Variants in TPM4 observed in about 807,000 individuals in gnomAD.
TPM4 encodes tropomyosin alpha-4 chain.
In TPM4, 17 loss-of-function variants were observed where a neutral mutation model predicts 35.8. The observed-to-expected ratio is 0.47, with a 90% CI of 0.32 to 0.71. The LOEUF (loss-of-function observed/expected upper bound fraction) is 0.71, where lower values mean the gene tolerates loss of function less well. TPM4 is among the 30% of genes least tolerant of loss of function. TPM4 has a pLI of 0.03. For missense variants in TPM4, 240 were observed against 320.9 expected (o/e 0.75, Z 1.93); for synonymous variants, 120 against 122.9 (o/e 0.98, Z 0.15).
chr19:16,076,006 C>A (rs1047158148), upstream of TPM4: 3 of 1,482,768 alleles, frequency 2.0e-6, no homozygotes, highest in Non-Finnish European at 1.8e-6. Flanking sequence ...GGACGTGACC[C>A]CCCCCCCAGG....
intron 4 of TPM4, 99 bp from the exon 5 acceptor site, chr19:16,088,946 G>C: frequency 6.3e-7 from 1 of 1,585,260 alleles, no homozygotes; most frequent in Non-Finnish European, 8.6e-7. Flanking sequence ...CGGGGGAGCT[G>C]TGTAGGTTTC....
intron 5 of TPM4, among the ~76,000 whole-genome samples, chr19:16,089,945 G>A (rs745418465): frequency 2.2e-4 from 33 of 150,746 alleles, no homozygotes; most frequent in Non-Finnish European, 3.8e-4. Flanking sequence ...TGCAGCCTTC[G>A]ACTCCCAAGT....
intron 5 of TPM4, 122 bp downstream of exon 5, chr19:16,089,242 C>G (rs972326459): frequency 5.9e-5 from 77 of 1,301,360 alleles, no homozygotes; most frequent in Non-Finnish European, 8.6e-6. Flanking sequence ...AGCGTTGGTG[C>G]CTGGCAGCCA....
chr19:16,090,543 C>T (rs919456364), intron 5 of TPM4, among the ~76,000 whole-genome samples: 5 of 152,018 alleles, frequency 3.3e-5, no homozygotes, highest in African/African-American at 1.2e-4. Flanking sequence ...GGGAGGCCGC[C>T]GAGCCTGGCC....
Position 16,094,702 on chromosome 19 carries a change from G to C in TPM4, c.664+949G>C, listed in dbSNP as rs368362514. ...CAGAAATACAGAAAGTGTAGGGACT[G>C]CAATAAAGACTAGTCTGCAAGTCTG... On this transcript the variant is annotated intron_variant, in intron 7 of 7. Transcript: ENST00000643579. Among the ~76,000 whole-genome samples, 11 of 151,998 alleles carry C rather than the reference G, an allele frequency of 7.2e-5. No homozygotes were observed. The South Asian group carries it at 1.2e-3, about 17-fold the overall frequency.
chr19:16,076,665 G>C lies in TPM4; in HGVS notation c.100G>C (p.Glu34Gln). The C allele has an allele frequency of 7.1e-7, 1 of 1,402,606 alleles. No homozygotes were observed. The highest frequency in any genetic ancestry group is 9.2e-7 in the Non-Finnish European group (1 of 1,082,402). 86.9% of individuals were successfully genotyped at this position (1,402,606 alleles called of 1,614,324 possible). ...AEDRAQGLQR[E>Q]LDGERERREK... ...AGACCGCGCGCAGGGCCTGCAGCGGGAGCTGGACGGCGAGCGCGAGCGGCG... is the reference window on the plus strand; with the variant it reads ...AGACCGCGCGCAGGGCCTGCAGCGGCAGCTGGACGGCGAGCGCGAGCGGCG... Residue 34 changes from glutamate to glutamine, a missense_variant, in exon 1 of 8, where the codon GAG becomes CAG. Transcript: ENST00000643579.
chr19:16,101,260 C>T lies in TPM4; in HGVS notation c.665-4C>T, dbSNP rs370589202. 6.3e-6 allele frequency: 10 copies of T among 1,597,574 alleles called. No homozygotes were observed. Among genetic ancestry groups the T allele is most frequent in the East Asian group, 4.5e-5 (2 of 44,546 alleles). On this transcript the variant is annotated splice_region_variant and splice_polypyrimidine_tract_variant and intron_variant, in intron 7 of 7. Coordinates refer to ENST00000643579, the MANE Select transcript of TPM4 (RefSeq NM_003290.3). The stretch of plus-strand genomic sequence containing the variant: ...TCTTTCCCCATACTCTTAATCCTCA[C>T]CAGAGAAACTTGCCCAGGCCAAAGA...
intron 1 of TPM4, among the ~76,000 whole-genome samples, chr19:16,079,167 G>A (rs2090450467): frequency 6.6e-6 from 1 of 152,172 alleles, no homozygotes; most frequent in Admixed American, 6.6e-5. Context: ...TGCCAAAAGC[G>A]TTGTTTGCCA....
rs1349881145 is a variant in TPM4, at chr19:16,067,979, G to A, written c.114+241G>A. 1 of 499,922 alleles carries A rather than the reference G, an allele frequency of 2.0e-6. No individual in the cohort carries two copies. Among genetic ancestry groups the A allele is most frequent in the East Asian group, 3.6e-5 (1 of 27,680 alleles). 31.0% of individuals were successfully genotyped at this position (499,922 alleles called of 1,614,324 possible). A position where few individuals can be genotyped will look rare whatever the true frequency, so the allele number is the denominator to read the frequency against. On this transcript the variant is annotated intron_variant, in intron 2 of 2. Coordinates refer to the TPM4 transcript ENST00000589897. The surrounding 1 kb of genome is among the most constrained non-coding windows in gnomAD (Gnocchi z 4.1). Reference sequence around the variant, plus strand: ...GCGAACAAAGTGAGTTTGACAGAGAGAGAGTTGGCGGGGGAGGGAGAGTGA... The same window carrying A: ...GCGAACAAAGTGAGTTTGACAGAGAAAGAGTTGGCGGGGGAGGGAGAGTGA...
upstream of TPM4, among the ~76,000 whole-genome samples, chr19:16,072,243 G>A (rs1199039480): frequency 6.6e-6 from 1 of 152,194 alleles, no homozygotes; most frequent in Middle Eastern, 3.2e-3. Context: ...TCCCAGAACT[G>A]ACCCTCAAGA....
intron 7 of TPM4, 129 bp downstream of exon 7, chr19:16,093,882 A>T: frequency 1.2e-6 from 1 of 829,062 alleles, no homozygotes; most frequent in Non-Finnish European, 1.9e-6. Context: ...TAAAGCGCAT[A>T]GTGATGTCAT....
At chr19:16,085,674 C>G (rs964152180) in intron 2 of TPM4, among the ~76,000 whole-genome samples, 2 of 152,212 alleles carry the variant, frequency 1.3e-5, no homozygotes, top group African/African-American at 4.8e-5. Context: ...TACTTACCCT[C>G]TCTCTATGCC....
chr19:16,088,280 C>A, intron 4 of TPM4, 183 bp downstream of exon 4: 2 of 1,403,284 alleles, frequency 1.4e-6, no homozygotes, highest in Non-Finnish European at 1.9e-6. Flanking sequence ...GTTCTTACTG[C>A]CATGGGAAGC....
At chr19:16,073,185 C>T (rs2090371802), upstream of TPM4, among the ~76,000 whole-genome samples, 1 of 151,792 alleles carries the variant, frequency 6.6e-6, no homozygotes, top group Non-Finnish European at 1.5e-5. Context: ...CTCAAAAAAA[C>T]AAAAACAAAA....
In TPM4 at chr19:16,076,683, G is replaced by C; in HGVS notation, c.118G>C (p.Glu40Gln). 7.3e-7 allele frequency: 1 copy of C among 1,366,744 alleles called. No individual in the cohort carries two copies. The allele number at this position is 1,366,744 out of a possible 1,614,324, so 84.7% of individuals were successfully genotyped here. The part of the protein sequence containing the change: ...GLQRELDGER[E>Q]RREKAEGDVA... ...GCAGCGGGAGCTGGACGGCGAGCGC[G>C]AGCGGCGCGAGAAAGTGAGCGCCCC... The change falls in exon 1 of 8, where the codon GAG (glutamate) becomes CAG (glutamine). Residue 40 changes from glutamate to glutamine, a missense_variant. Physicochemically the swap from Glu to Gln is conservative, Grantham distance 29 (BLOSUM62 2). Transcript: ENST00000643579.
At chr19:16,100,256 A>G (rs558517605) in intron 7 of TPM4, 1 of 152,312 alleles carries the variant, frequency 6.6e-6, no homozygotes, top group East Asian at 1.9e-4. Flanking sequence ...ATTCTGACTC[A>G]AGGGTTACCA....
intron 1 of TPM4, chr19:16,077,054 T>G (rs1599363351): frequency 1.0e-5 from 2 of 199,568 alleles, no homozygotes; most frequent in Non-Finnish European, 9.8e-6. Flanking sequence ...GGCGCCGGGG[T>G]CCCGGGCCGA....
At chr19:16,076,249 A>AG, upstream of TPM4, 1 of 1,540,938 alleles carries the variant, frequency 6.5e-7, no homozygotes, top group South Asian at 1.2e-5. Context: ...GGAGAGCCGC[A>AG]GGGGGAGGAG....
intron 1 of TPM4, chr19:16,080,091 G>A (rs192668192): frequency 2.5e-3 from 492 of 193,394 alleles, no homozygotes; most frequent in Middle Eastern, 5.6e-3. Context: ...TTTTCCTCTC[G>A]GTTGAGGCCC....
Sources: allele counts gnomAD v4.1 joint callset (sites outside exome capture counted in the v4.1 genomes callset), GRCh38; gene constraint gnomAD v4.1.1; non-coding constraint Gnocchi (gnomAD v3.1); transcripts MANE v1.5; gene names NCBI Gene and HGNC (gene_info 2026-07-23, HGNC 2026-07-21).